The following RAPGEF4 variants were observed in gnomAD, a reference collection of about 807,000 sequenced individuals.
The protein encoded by RAPGEF4 is RAP guanine-nucleotide-exchange factor (GEF) 4.
A neutral mutation model predicts 147.9 loss-of-function variants in RAPGEF4; 66 were observed. That is an observed-to-expected ratio of 0.45 (90% CI 0.37 to 0.55). The LOEUF (loss-of-function observed/expected upper bound fraction) is 0.55, where lower values mean the gene tolerates loss of function less well. Among genes scored for constraint, RAPGEF4 ranks in the 20% least tolerant of loss-of-function variants. The pLI is 0.00. For synonymous variants in RAPGEF4, 419 were observed against 442.7 expected, an observed-to-expected ratio of 0.95 and a Z score of 0.67; for missense variants, 1,071 against 1,257.3, an observed-to-expected ratio of 0.85 and a Z score of 2.24.
At chr2:172,744,407 G>T in intron 1 of RAPGEF4, 1 of 456,466 alleles carries the variant, frequency 2.2e-6, no homozygotes, top group Non-Finnish European at 4.4e-6. Flanking sequence ...AGTGCCTACA[G>T]TAATGGCTAT....
At chr2:172,737,418 C>CTA (rs1201556721) in intron 1 of RAPGEF4, among the ~76,000 whole-genome samples, 1 of 151,258 alleles carries the variant, frequency 6.6e-6, no homozygotes, top group Non-Finnish European at 1.5e-5. Context: ...TGCACTTAAC[C>CTA]TATAAATAGT....
At position 172,980,739 on chromosome 2, in the gene RAPGEF4, C is replaced by T. The variant is rs894594971; in HGVS notation, c.1005-2757C>T. Among the ~76,000 whole-genome samples, 3 of 152,236 alleles carry T rather than the reference C, an allele frequency of 2.0e-5. No homozygotes were observed. The East Asian group carries it at 5.8e-4, about 29-fold the overall frequency. Reference sequence around the variant, plus strand: ...ATTTTTAGTATATGGTATTTAGGGTCTGACAGTTCTTCATCCTGTTTCAAA... The same window carrying T: ...ATTTTTAGTATATGGTATTTAGGGTTTGACAGTTCTTCATCCTGTTTCAAA... On this transcript the variant is annotated intron_variant, in intron 10 of 30. Transcript: ENST00000397081.
chr2:172,755,732 A>G (rs1220102338), intron 1 of RAPGEF4, among the ~76,000 whole-genome samples: 2 of 152,198 alleles, frequency 1.3e-5, no homozygotes, highest in African/African-American at 4.8e-5. Context: ...ATAGAGTCAC[A>G]GGAAGTTGCA....
At chr2:172,861,622 T>C (rs1694060896) in intron 4 of RAPGEF4, among the ~76,000 whole-genome samples, 1 of 152,212 alleles carries the variant, frequency 6.6e-6, no homozygotes, top group Non-Finnish European at 1.5e-5. Flanking sequence ...ATACACTATG[T>C]CTTCCATCTT....
In RAPGEF4 at chr2:173,051,667, A is replaced by G; in HGVS notation, c.2936A>G (p.Asn979Ser). ...CCTGATGCAGCTCAAGCTAATAAGA[A>G]CCATCAGGATGTCCGGAGTTATGTA... ...FNPDAAQANK[N>S]HQDVRSYVRQ... Residue 979 changes from asparagine to serine, a missense_variant, in exon 31 of 31, where the codon AAC (asparagine) becomes AGC (serine). Physicochemically the swap from Asn to Ser is conservative, Grantham distance 46. Coordinates refer to ENST00000397081, the MANE Select transcript of RAPGEF4 (RefSeq NM_007023.4). 1 of 1,613,994 alleles carries G rather than the reference A, an allele frequency of 6.2e-7. No individual in the cohort carries two copies. The highest frequency in any genetic ancestry group is 8.5e-7 in the Non-Finnish European group (1 of 1,179,884).
chr2:172,771,897 T>C (rs1167219082), intron 1 of RAPGEF4, among the ~76,000 whole-genome samples: 4 of 152,094 alleles, frequency 2.6e-5, no homozygotes, highest in Non-Finnish European at 5.9e-5. Context: ...TAAAGAAAAA[T>C]GTCTGTTGCT....
At chr2:172,821,485 A>G in intron 4 of RAPGEF4, 2 of 757,112 alleles carry the variant, frequency 2.6e-6, no homozygotes, top group African/African-American at 1.9e-5. Flanking sequence ...TAAGAAAAAT[A>G]TATCCAAAAA....
intron 22 of RAPGEF4, among the ~76,000 whole-genome samples, chr2:173,019,005 A>G (rs534912756): frequency 9.8e-5 from 15 of 152,322 alleles, no homozygotes; most frequent in Admixed American, 3.3e-4. Flanking sequence ...TACCCACTCT[A>G]AATCAGAAAG....
At chr2:172,824,548 C>G (rs17705358) in intron 4 of RAPGEF4, among the ~76,000 whole-genome samples, 2,282 of 152,280 alleles carry the variant, frequency 0.015, 19 homozygotes, top group South Asian at 0.033. Flanking sequence ...GAGTTTCTAG[C>G]AGATTTATGT....
chr2:172,845,397 G>T (rs894538474), intron 4 of RAPGEF4, among the ~76,000 whole-genome samples: 12 of 152,146 alleles, frequency 7.9e-5, no homozygotes, highest in African/African-American at 2.9e-4. Context: ...ATGCCAGCCA[G>T]TTTCAAGTGG....
intron 15 of RAPGEF4, among the ~76,000 whole-genome samples, chr2:172,995,158 C>T (rs1693206084): frequency 1.3e-5 from 2 of 152,070 alleles, no homozygotes; most frequent in Admixed American, 6.6e-5. Flanking sequence ...TCAAAAGTCT[C>T]AAACAGGCAA....
chr2:173,040,168 ACAAGAG>A (rs1684579525), intron 29 of RAPGEF4, among the ~76,000 whole-genome samples: 1 of 151,682 alleles, frequency 6.6e-6, no homozygotes, highest in African/African-American at 2.4e-5. Context: ...AGCCTGGATG[ACAAGAG>A]CAAGACTCCA....
At chr2:172,977,392 G>T (rs1332967287) in intron 10 of RAPGEF4, among the ~76,000 whole-genome samples, 2 of 152,150 alleles carry the variant, frequency 1.3e-5, no homozygotes, top group Admixed American at 6.5e-5. Flanking sequence ...AGTGATTGTG[G>T]TGGGGAACGC....
chr2:172,960,260 A>G (rs1310976418), intron 6 of RAPGEF4, among the ~76,000 whole-genome samples: 1 of 152,170 alleles, frequency 6.6e-6, no homozygotes, highest in Non-Finnish European at 1.5e-5. Context: ...TAGAACCGCC[A>G]AGAAGTCGCA....
In RAPGEF4 at chr2:173,048,639, A is replaced by G; in HGVS notation, c.2893A>G (p.Arg965Gly). 6.2e-7 allele frequency: 1 copy of G among 1,614,160 alleles called. No individual in the cohort carries two copies. The highest frequency in any genetic ancestry group is 2.2e-5 in the East Asian group (1 of 44,868). Residue 965 changes from arginine (R) to glycine (G), a missense_variant, in exon 30 of 31, where the codon AGG (arginine) becomes GGG (glycine). Coordinates refer to ENST00000397081, the MANE Select transcript of RAPGEF4 (RefSeq NM_007023.4). Reference protein sequence around the residue: ...ANTARTVRYYRSQPFNPDAAQ... With the variant: ...ANTARTVRYYGSQPFNPDAAQ... Reference sequence around the variant, plus strand: ...TACGGCCAGAACAGTGAGATACTACAGGAGCCAACCCTTCAGTAAGTTAAG... The same window carrying G: ...TACGGCCAGAACAGTGAGATACTACGGGAGCCAACCCTTCAGTAAGTTAAG...
chr2:172,966,338 T>C (rs769323144), intron 9 of RAPGEF4, among the ~76,000 whole-genome samples: 6 of 152,196 alleles, frequency 3.9e-5, no homozygotes, highest in Non-Finnish European at 7.3e-5. Context: ...AATCTAGTAA[T>C]GGTTTTGCCA....
At chr2:172,874,687 G>A (rs1433764583) in intron 4 of RAPGEF4, among the ~76,000 whole-genome samples, 1 of 152,074 alleles carries the variant, frequency 6.6e-6, no homozygotes, top group African/African-American at 2.4e-5. Flanking sequence ...TTGCTATTGT[G>A]AATAGTGCCG....
At chr2:172,889,470 C>G (rs1697635457) in intron 4 of RAPGEF4, among the ~76,000 whole-genome samples, 1 of 152,102 alleles carries the variant, frequency 6.6e-6, no homozygotes, top group African/African-American at 2.4e-5. Flanking sequence ...GCTATCTGTT[C>G]ATAGAACTAC....
chr2:172,957,962 G>A (rs1688911188), intron 6 of RAPGEF4, among the ~76,000 whole-genome samples: 1 of 152,208 alleles, frequency 6.6e-6, no homozygotes, highest in African/African-American at 2.4e-5. Flanking sequence ...GTAGCCTAGA[G>A]ACCACTTGTT....
Sources: gnomAD v4.1 joint callset for allele counts (sites outside exome capture counted in the v4.1 genomes callset) on GRCh38, gnomAD v4.1.1 for gene constraint, MANE v1.5 for transcripts, NCBI Gene and HGNC (gene_info 2026-07-23, HGNC 2026-07-21) for gene names.